Variants in DHX57 observed in about 807,000 individuals in gnomAD.
The protein encoded by DHX57 is putative ATP-dependent RNA helicase DHX57.
DHX57 carries 105 observed loss-of-function variants against 156.2 expected under a neutral mutation model. The ratio of observed to expected loss-of-function variants is 0.67; its 90% CI spans 0.57 to 0.79. The LOEUF (loss-of-function observed/expected upper bound fraction) is 0.79, where lower values mean the gene tolerates loss of function less well. Ranked by LOEUF, DHX57 falls within the 30% of genes least tolerant of loss-of-function variation. DHX57 has a pLI of 0.00. For missense variants in DHX57, 1,847 were observed against 1,661.9 expected, an observed-to-expected ratio of 1.11 and a Z score of -1.94; for synonymous variants, 704 against 595.6, an observed-to-expected ratio of 1.18 and a Z score of -2.65.
Position 38,826,504 on chromosome 2 carries a change from A to T in DHX57, c.2813+12T>A. On this transcript the variant is annotated intron_variant, in intron 15 of 23. Transcript: ENST00000457308. ...TTTAGCCCCTCTCTTACATCACCAC[A>T]AGACGGAATACCTCTTTTCTTTCAT... 1 of 1,611,994 alleles carries T rather than the reference A, an allele frequency of 6.2e-7. No individual in the cohort carries two copies. The highest frequency in any genetic ancestry group is 1.1e-5 in the South Asian group (1 of 90,880).
chr2:38,812,629 G>A (rs913774850), intron 21 of DHX57, among the ~76,000 whole-genome samples: 3 of 152,206 alleles, frequency 2.0e-5, no homozygotes, highest in African/African-American at 4.8e-5. Context: ...TGCCTCCCGG[G>A]TTTAAGCGAT....
intron 21 of DHX57, chr2:38,811,121 A>T: frequency 1.8e-6 from 1 of 547,184 alleles, no homozygotes; most frequent in Non-Finnish European, 3.4e-6. Flanking sequence ...GATGTGCATG[A>T]GGTTCTCGTC....
chr2:38,854,426 A>G (rs1672773137), intron 8 of DHX57: 1 of 299,768 alleles, frequency 3.3e-6, no homozygotes, highest in Non-Finnish European at 6.3e-6. Context: ...ACAGTTCTCA[A>G]TCTGTCTGCT....
At chr2:38,858,607 C>A in intron 6 of DHX57, 54 bp downstream of exon 6, 2 of 1,536,434 alleles carry the variant, frequency 1.3e-6, no homozygotes, top group Non-Finnish European at 1.7e-6. Context: ...ATTCCTAATC[C>A]CATCATCCAG....
intron 2 of DHX57, among the ~76,000 whole-genome samples, chr2:38,866,702 C>A (rs551987481): frequency 1.3e-5 from 2 of 152,290 alleles, no homozygotes; most frequent in African/African-American, 2.4e-5. Flanking sequence ...GAATGAACAT[C>A]TACGGACTCC....
At chr2:38,849,713 TCTC>T (rs949115408) in intron 9 of DHX57, among the ~76,000 whole-genome samples, 1 of 152,152 alleles carries the variant, frequency 6.6e-6, no homozygotes, top group African/African-American at 2.4e-5. Flanking sequence ...GGCTCACTGT[TCTC>T]CTTGCCGTCT....
intron 19 of DHX57, chr2:38,816,197 G>T (rs762443890): frequency 1.1e-4 from 52 of 470,786 alleles, no homozygotes; most frequent in Non-Finnish European, 2.1e-4. Context: ...TAGGAATAGG[G>T]ACATCATTAA....
At chr2:38,840,351 G>C (rs907247531) in intron 12 of DHX57, among the ~76,000 whole-genome samples, 5 of 151,398 alleles carry the variant, frequency 3.3e-5, no homozygotes, top group African/African-American at 1.2e-4. Context: ...TCTGAAAGGC[G>C]AAAGAGAACA....
chr2:38,828,350 G>C lies in DHX57; in HGVS notation c.2629C>G (p.Arg877Gly), dbSNP rs777784063. Reference sequence around the variant, plus strand: ...AAGCAATTAGCTTACCGATTACTACGTCTGTTGTTGAAAAGAGAATTAGAC... The same window carrying C: ...AAGCAATTAGCTTACCGATTACTACCTCTGTTGTTGAAAAGAGAATTAGAC... ...LQSNSLFNNRRSNRCVIHPLH... is the reference protein window; with the variant it reads ...LQSNSLFNNRGSNRCVIHPLH... The change falls in exon 14 of 24, where the codon CGT becomes GGT. Residue 877 changes from arginine to glycine, a missense_variant. By Grantham distance (125) the Arg-to-Gly change is moderately radical. Coordinates refer to ENST00000457308, the MANE Select transcript of DHX57 (RefSeq NM_198963.3). 1.2e-6 allele frequency: 2 copies of C among 1,611,226 alleles called. No individual in the cohort carries two copies. The highest frequency in any genetic ancestry group is 4.5e-5 in the East Asian group (2 of 44,788).
intron 9 of DHX57, 130 bp downstream of exon 9, chr2:38,853,924 A>C: frequency 1.1e-6 from 1 of 873,964 alleles, no homozygotes; most frequent in Non-Finnish European, 1.7e-6. Context: ...CTCTTCTCTA[A>C]CATAGGCCTT....
intron 23 of DHX57, among the ~76,000 whole-genome samples, chr2:38,802,503 G>T (rs1156784778): frequency 6.6e-6 from 1 of 152,050 alleles, no homozygotes; most frequent in African/African-American, 2.4e-5. Context: ...GGCCAGGCTG[G>T]TCTCGAACTC....
chr2:38,802,832 C>T lies in DHX57; in HGVS notation c.3900G>A (p.Val1300=), dbSNP rs1323298311. Residue 1300 remains valine (V), a synonymous_variant, in exon 23 of 24, where the codon GTG becomes GTA. Coordinates refer to ENST00000457308, the MANE Select transcript of DHX57 (RefSeq NM_198963.3). ...SRVFIRDCSM[V]SVYPLVLFGG... is the part of the protein sequence containing the mutation. ...CAAACAAGACCAGCGGGTACACAGACACCATGCTGCAGTCTCGGATGAATA... is the reference window on the plus strand; with the variant it reads ...CAAACAAGACCAGCGGGTACACAGATACCATGCTGCAGTCTCGGATGAATA... 5 of 1,614,170 alleles carry T rather than the reference C, an allele frequency of 3.1e-6. No homozygotes were observed. Among genetic ancestry groups the T allele is most frequent in the Non-Finnish European group, 4.2e-6 (5 of 1,180,032 alleles).
At chr2:38,865,908 T>C (rs921416575) in intron 2 of DHX57, among the ~76,000 whole-genome samples, 3 of 151,872 alleles carry the variant, frequency 2.0e-5, no homozygotes, top group African/African-American at 7.2e-5. Context: ...TGCCCCTTTA[T>C]AGTTTATTCT....
rs1463455847 is a variant in DHX57, at chr2:38,861,805, A to ACCG, written c.602_604dup (p.Ala201dup). ...CACATCTCCATCACACATCCTCAGGACCGCTTGACAGCGTTCAGTATTGAA... is the reference window on the plus strand; with the variant it reads ...CACATCTCCATCACACATCCTCAGGACCGCCGCTTGACAGCGTTCAGTATTGAA... On this transcript the variant is annotated inframe_insertion, in exon 5 of 24. Coordinates refer to ENST00000457308, the MANE Select transcript of DHX57 (RefSeq NM_198963.3). 6.2e-7 allele frequency: 1 copy of ACCG among 1,612,338 alleles called. No homozygotes were observed. Among genetic ancestry groups the ACCG allele is most frequent in the South Asian group, 1.1e-5 (1 of 90,810 alleles).
intron 2 of DHX57, 35 bp from the exon 3 acceptor site, chr2:38,863,554 T>C (rs3099999): frequency 1 from 1,594,857 of 1,597,496 alleles, 796,150 homozygotes; most frequent in East Asian, 1. Context: ...TACACACATA[T>C]CTTCAATCAG....
chr2:38,858,982 G>C, intron 5 of DHX57, 146 bp from the exon 6 acceptor site: 1 of 765,716 alleles, frequency 1.3e-6, no homozygotes, highest in Non-Finnish European at 1.9e-6. Context: ...TTCATTTCTA[G>C]TATTTCTATT....
chr2:38,848,137 G>A, intron 10 of DHX57, 132 bp downstream of exon 10: 2 of 1,021,592 alleles, frequency 2.0e-6, no homozygotes, highest in Non-Finnish European at 2.7e-6. Flanking sequence ...TGCATTATAT[G>A]GTTTATGATT....
At chr2:38,815,690 T>C (rs772139822) in intron 19 of DHX57, 35 bp from the exon 20 acceptor site, 1 of 1,613,356 alleles carries the variant, frequency 6.2e-7, no homozygotes. Context: ...AGCAAGGGCA[T>C]CAGCATAACA....
chr2:38,813,715 A>C, intron 21 of DHX57, 106 bp downstream of exon 21: 1 of 1,316,856 alleles, frequency 7.6e-7, no homozygotes, highest in Non-Finnish European at 1.1e-6. Flanking sequence ...GTGTGCACAC[A>C]TGCGTATATA....
Sources: gnomAD v4.1 joint callset for allele counts (sites outside exome capture counted in the v4.1 genomes callset) on GRCh38, gnomAD v4.1.1 for gene constraint, MANE v1.5 for transcripts, NCBI Gene and HGNC (gene_info 2026-07-23, HGNC 2026-07-21) for gene names.